The following STX18 variants were observed in gnomAD, a reference collection of about 807,000 sequenced individuals.
STX18 encodes syntaxin-18.
Under a neutral mutation model 50.1 loss-of-function variants are expected in STX18, and 40 were observed. The ratio of observed to expected loss-of-function variants is 0.80; its 90% CI spans 0.62 to 1.04. STX18 has a LOEUF of 1.04. STX18 is among the 50% of genes least tolerant of loss of function. The probability of loss-of-function intolerance (pLI) is 0.00; values close to 1 mark genes in which losing one functional copy is unlikely to be tolerated. For missense variants in STX18, 410 were observed against 415.8 expected, an observed-to-expected ratio of 0.99 and a Z score of 0.12; for synonymous variants, 158 against 151.8, an observed-to-expected ratio of 1.04 and a Z score of -0.30.
intron 7 of STX18, among the ~76,000 whole-genome samples, chr4:4,432,756 T>G (rs935966941): frequency 5.3e-5 from 8 of 152,248 alleles, no homozygotes; most frequent in African/African-American, 1.9e-4. Flanking sequence ...GTCCATGCCA[T>G]TTTTAGGAAA....
rs563486541 is a variant in STX18, at chr4:4,420,625, C to G, written c.912+239G>C. 80 of 529,474 alleles carry G rather than the reference C, an allele frequency of 1.5e-4. No homozygotes were observed. Among genetic ancestry groups the G allele is most frequent in the African/African-American group, 1.4e-3 (72 of 51,902 alleles). 32.8% of individuals were successfully genotyped at this position (529,474 alleles called of 1,614,324 possible). ...CTGACCCTGCCAGGAGTACCCCCACCCACCCTGGATTGCTCCTTTGGAGGC... is the reference window on the plus strand; with the variant it reads ...CTGACCCTGCCAGGAGTACCCCCACGCACCCTGGATTGCTCCTTTGGAGGC... On this transcript the variant is annotated intron_variant, in intron 10 of 10. Transcript: ENST00000306200. The surrounding 1 kb of genome is among the most constrained non-coding windows in gnomAD (Gnocchi z 4.3).
chr4:4,450,836 C>G (rs1266532213), intron 5 of STX18, among the ~76,000 whole-genome samples: 1 of 152,228 alleles, frequency 6.6e-6, no homozygotes, highest in Non-Finnish European at 1.5e-5. Context: ...TTCAGGAAGT[C>G]AAAGGGCTTC....
chr4:4,494,269 C>T (rs757989042), intron 1 of STX18, among the ~76,000 whole-genome samples: 1 of 152,196 alleles, frequency 6.6e-6, no homozygotes, highest in Non-Finnish European at 1.5e-5. Context: ...TACCCTTGGT[C>T]AAGTTCCTTC....
At position 4,419,938 on chromosome 4, in the gene STX18, A is replaced by G. The variant is rs1724838338; in HGVS notation, c.*96T>C. On this transcript the variant is annotated 3_prime_UTR_variant, in exon 11 of 11. Coordinates refer to ENST00000306200, the MANE Select transcript of STX18 (RefSeq NM_016930.4). The stretch of plus-strand genomic sequence containing the variant: ...TCCCTTCAAATGGCACTGTGATAAA[A>G]TCTGGTCATACCATGCTCCAGCACT... The G allele has an allele frequency of 2.6e-5, 26 of 1,013,386 alleles. No homozygotes were observed. In the South Asian group the frequency reaches 3.7e-4, roughly 15 times the overall value. The allele number at this position is 1,013,386 out of a possible 1,614,324, so 62.8% of individuals were successfully genotyped here.
chr4:4,540,570 C>G (rs1349353404), intron 1 of STX18, among the ~76,000 whole-genome samples: 2 of 152,198 alleles, frequency 1.3e-5, no homozygotes, highest in Non-Finnish European at 2.9e-5. Context: ...TCAGGTAGAA[C>G]TGACCACATT....
intron 2 of STX18, chr4:4,461,958 G>A (rs1475104496): frequency 6.6e-6 from 3 of 456,130 alleles, no homozygotes; most frequent in Non-Finnish European, 1.3e-5. Context: ...GTTGCAAAGG[G>A]GCCTGTCCCT....
intron 1 of STX18, among the ~76,000 whole-genome samples, chr4:4,496,047 C>G (rs1418918808): frequency 6.6e-6 from 1 of 152,190 alleles, no homozygotes; most frequent in Non-Finnish European, 1.5e-5. Flanking sequence ...ACACGTTAAA[C>G]TTTCCATATA....
At chr4:4,443,343 T>A (rs1223316722) in intron 5 of STX18, among the ~76,000 whole-genome samples, 1 of 152,250 alleles carries the variant, frequency 6.6e-6, no homozygotes, top group African/African-American at 2.4e-5. Context: ...ATGTATACCT[T>A]TATACACTGC....
intron 1 of STX18, among the ~76,000 whole-genome samples, chr4:4,488,020 A>T (rs1362145011): frequency 1.3e-5 from 2 of 152,202 alleles, no homozygotes; most frequent in Non-Finnish European, 2.9e-5. Context: ...TGATGTGTTA[A>T]AAGTTGTTTT....
chr4:4,471,964 C>T (rs542590336), intron 1 of STX18, among the ~76,000 whole-genome samples: 9 of 152,274 alleles, frequency 5.9e-5, no homozygotes, highest in African/African-American at 1.9e-4. Flanking sequence ...AAGTTAAAGA[C>T]GAAATGAGAT....
intron 1 of STX18, among the ~76,000 whole-genome samples, chr4:4,517,023 A>G (rs1730299097): frequency 6.6e-6 from 1 of 152,238 alleles, no homozygotes; most frequent in African/African-American, 2.4e-5. Flanking sequence ...ATCGGTTACA[A>G]TGCCACAGAG....
intron 5 of STX18, among the ~76,000 whole-genome samples, chr4:4,439,930 A>G (rs1313303826): frequency 6.6e-6 from 1 of 152,242 alleles, no homozygotes; most frequent in Non-Finnish European, 1.5e-5. Context: ...CATAGCAGTT[A>G]TCACAGTCTA....
chr4:4,537,618 C>T (rs1297024498), intron 1 of STX18, among the ~76,000 whole-genome samples: 2 of 152,184 alleles, frequency 1.3e-5, no homozygotes, highest in African/African-American at 4.8e-5. Context: ...AAGGTATTCC[C>T]ACTTTGTTCA....
At chr4:4,469,208 C>T (rs144780571) in intron 2 of STX18, among the ~76,000 whole-genome samples, 48 of 152,260 alleles carry the variant, frequency 3.2e-4, no homozygotes, top group African/African-American at 1.1e-3. Flanking sequence ...ACCTGCAGTC[C>T]GTAGGCCAAG....
intron 6 of STX18, among the ~76,000 whole-genome samples, chr4:4,436,672 C>A (rs1725793970): frequency 6.6e-6 from 1 of 152,208 alleles, no homozygotes; most frequent in African/African-American, 2.4e-5. Context: ...AGCACAGCAC[C>A]CACCATGCCA....
intron 1 of STX18, among the ~76,000 whole-genome samples, chr4:4,488,676 C>T (rs1335450888): frequency 2.0e-5 from 3 of 152,166 alleles, no homozygotes; most frequent in African/African-American, 4.8e-5. Context: ...TGAGGATATA[C>T]ATTTGGTTTA....
Position 4,541,894 on chromosome 4 carries a change from C to G in STX18, c.71G>C (p.Gly24Ala), listed in dbSNP as rs763408063. 3 of 1,611,158 alleles carry G rather than the reference C, an allele frequency of 1.9e-6. No individual in the cohort carries two copies. Among genetic ancestry groups the G allele is most frequent in the Non-Finnish European group, 2.5e-6 (3 of 1,179,152 alleles). ...ATCGACCCCGCCGCCCACCGCCACT[C>G]CCAGCGCCTTGTTCCGCGTCTTCAC... Reference protein sequence around the residue: ...KTVKTRNKALGVAVGGGVDGS... With the variant: ...KTVKTRNKALAVAVGGGVDGS... The change falls in exon 1 of 11, where the codon GGA becomes GCA. Residue 24 changes from glycine (G) to alanine (A), a missense_variant. Coordinates refer to ENST00000306200, the MANE Select transcript of STX18 (RefSeq NM_016930.4).
intron 6 of STX18, among the ~76,000 whole-genome samples, chr4:4,435,549 A>G (rs1004584653): frequency 6.6e-6 from 1 of 152,212 alleles, no homozygotes; most frequent in South Asian, 2.1e-4. Flanking sequence ...AGATGGTCCA[A>G]GTAGATCTAC....
chr4:4,502,068 G>A (rs565747374), intron 1 of STX18, among the ~76,000 whole-genome samples: 1 of 152,338 alleles, frequency 6.6e-6, no homozygotes, highest in South Asian at 2.1e-4. Context: ...CCAATCTGCA[G>A]TTAATATGTC....
Sources: gnomAD v4.1 joint callset for allele counts (sites outside exome capture counted in the v4.1 genomes callset) on GRCh38, gnomAD v4.1.1 for gene constraint, Gnocchi (gnomAD v3.1) non-coding constraint, MANE v1.5 for transcripts, NCBI Gene and HGNC (gene_info 2026-07-23, HGNC 2026-07-21) for gene names.